PCDHA11: variants seen among roughly 807,000 people sequenced by gnomAD.
PCDHA11 encodes protocadherin alpha-11.
A neutral mutation model predicts 70.3 loss-of-function variants in PCDHA11; 61 were observed. The ratio of observed to expected loss-of-function variants is 0.87; its 90% CI spans 0.71 to 1.07. The LOEUF (loss-of-function observed/expected upper bound fraction) is 1.07. PCDHA11 is among the 50% of genes least tolerant of loss of function. The probability of loss-of-function intolerance (pLI) is 0.00; values close to 1 mark genes in which losing one functional copy is unlikely to be tolerated. For synonymous variants in PCDHA11, 633 were observed against 555.1 expected, an observed-to-expected ratio of 1.14 and a Z score of -1.97; for missense variants, 1,324 against 1,237.5, an observed-to-expected ratio of 1.07 and a Z score of -1.05.
intron 1 of PCDHA11, chr5:140,967,878 A>G: frequency 6.2e-7 from 1 of 1,614,152 alleles, no homozygotes; most frequent in Non-Finnish European, 8.5e-7. Flanking sequence ...ACGGACCTGT[A>G]TAGCCCAGTG....
At chr5:140,902,442 T>G (rs1182491503) in intron 1 of PCDHA11, among the ~76,000 whole-genome samples, 1 of 152,166 alleles carries the variant, frequency 6.6e-6, no homozygotes, top group Non-Finnish European at 1.5e-5. Flanking sequence ...CCTTGTCATA[T>G]TCTAGATCCT....
intron 1 of PCDHA11, among the ~76,000 whole-genome samples, chr5:140,908,126 C>T (rs573751399): frequency 1.6e-4 from 24 of 152,360 alleles, no homozygotes; most frequent in South Asian, 1.0e-3. Context: ...TTTCCCTTCA[C>T]TGCTGTCCTT....
At chr5:140,982,608 T>C (rs782789536) in intron 3 of PCDHA11, 45 bp downstream of exon 3, 1 of 1,601,306 alleles carries the variant, frequency 6.2e-7, no homozygotes, top group Non-Finnish European at 8.5e-7. Flanking sequence ...TTCTGGAAAG[T>C]GATCAGATGA....
chr5:140,916,840 C>G (rs1350788875), intron 1 of PCDHA11, among the ~76,000 whole-genome samples: 1 of 152,128 alleles, frequency 6.6e-6, no homozygotes, highest in African/African-American at 2.4e-5. Context: ...TGGTTCTGAG[C>G]CCAGCCCAGC....
At chr5:140,924,811 C>A (rs1209918868) in intron 1 of PCDHA11, among the ~76,000 whole-genome samples, 6 of 151,654 alleles carry the variant, frequency 4.0e-5, no homozygotes, top group Admixed American at 3.3e-4. Context: ...AAGAGAATCG[C>A]TTGAACCTGG....
At chr5:140,925,682 G>A (rs1554202871) in intron 1 of PCDHA11, among the ~76,000 whole-genome samples, 1 of 122,672 alleles carries the variant, frequency 8.2e-6, no homozygotes, top group Non-Finnish European at 1.8e-5. Context: ...ATAATAAAGC[G>A]AGGGTGGGTA....
intron 1 of PCDHA11, chr5:140,883,287 T>A: frequency 6.2e-7 from 1 of 1,613,984 alleles, no homozygotes; most frequent in Non-Finnish European, 8.5e-7. Context: ...TTGGTGGAAG[T>A]ACTAGATGTA....
Position 140,895,372 on chromosome 5 carries a change from T to C in PCDHA11, c.2391+23878T>C, listed in dbSNP as rs112463980. Among the ~76,000 whole-genome samples, 883 of 152,294 alleles carry C rather than the reference T, an allele frequency of 5.8e-3. 7 individuals carry two copies. The highest frequency in any genetic ancestry group is 0.021 in the African/African-American group (855 of 41,558). On this transcript the variant is annotated intron_variant, in intron 1 of 3. Coordinates refer to ENST00000398640, the MANE Select transcript of PCDHA11 (RefSeq NM_018902.5). The stretch of plus-strand genomic sequence containing the variant: ...CCAGTGAGTACTTATTGGCACTTTT[T>C]GGAGTTCTTCAATTCTCAACACCAT...
intron 1 of PCDHA11, among the ~76,000 whole-genome samples, chr5:140,879,152 A>C (rs1369330748): frequency 6.6e-6 from 1 of 152,210 alleles, no homozygotes; most frequent in African/African-American, 2.4e-5. Context: ...CAGGAAAGCT[A>C]TTTCTTTTTT....
intron 1 of PCDHA11, among the ~76,000 whole-genome samples, chr5:140,886,671 C>A (rs1411583056): frequency 6.6e-6 from 1 of 151,634 alleles, no homozygotes; most frequent in East Asian, 1.9e-4. Context: ...ACTAAAAATA[C>A]AAAAATTAGC....
At chr5:140,951,403 G>A (rs62384504) in intron 1 of PCDHA11, among the ~76,000 whole-genome samples, 5,903 of 152,130 alleles carry the variant, frequency 0.039, 173 homozygotes, top group Non-Finnish European at 0.058. Flanking sequence ...AAGAAAAGAG[G>A]TTTAATTGGC....
intron 1 of PCDHA11, chr5:140,884,122 G>A (rs1212118784): frequency 6.2e-7 from 1 of 1,613,306 alleles, no homozygotes; most frequent in East Asian, 2.2e-5. Flanking sequence ...CGGTCGGCGC[G>A]CGCATCCCGT....
chr5:140,915,677 A>C (rs1352514451), intron 1 of PCDHA11, among the ~76,000 whole-genome samples: 4 of 150,138 alleles, frequency 2.7e-5, no homozygotes, highest in African/African-American at 9.8e-5. Flanking sequence ...GCCATCTTGA[A>C]CTAGGGGTAT....
chr5:140,920,583 C>A (rs1287573835), intron 1 of PCDHA11, among the ~76,000 whole-genome samples: 1 of 152,106 alleles, frequency 6.6e-6, no homozygotes, highest in African/African-American at 2.4e-5. Context: ...CAGTGGCTCA[C>A]GCCTGTAATC....
Position 140,966,695 on chromosome 5 carries a change from C to T in PCDHA11, c.2392-12254C>T, listed in dbSNP as rs2096038904. ...GGGTGGCACGAGCGGAGGCGGGGCC[C>T]GGGCGTGGGGCACGGCTGGGGAAGC... is the stretch of plus-strand genomic sequence containing the variant. On this transcript the variant is annotated intron_variant, in intron 1 of 3. Coordinates refer to ENST00000398640, the MANE Select transcript of PCDHA11 (RefSeq NM_018902.5). 4 of 1,358,486 alleles carry T rather than the reference C, an allele frequency of 2.9e-6. No individual in the cohort carries two copies. In the South Asian group the frequency reaches 5.2e-5, roughly 18 times the overall value. The allele number at this position is 1,358,486 out of a possible 1,614,324, so 84.2% of individuals were successfully genotyped here. A position where few individuals can be genotyped will look rare whatever the true frequency, so the allele number is the denominator to read the frequency against.
rs782776948 is a variant in PCDHA11 at position 141,009,898 on chromosome 5, A to T, written c.2811A>T (p.Lys937Asn). The T allele has an allele frequency of 5.6e-6, 9 of 1,613,182 alleles. No individual in the cohort carries two copies. Among genetic ancestry groups the T allele is most frequent in the Admixed American group, 1.7e-5 (1 of 59,722 alleles). The change falls in exon 4 of 4, where the codon AAA (lysine) becomes AAT (asparagine). Residue 937 changes from lysine (K) to asparagine (N), a missense_variant. Physicochemically the swap from Lys to Asn is moderately conservative, Grantham distance 94 (BLOSUM62 0). Transcript: ENST00000398640. ...AGGGTAACAAGACCCAGGAGAAAAA[A>T]GAGAAAGGGAACAGCACGACTGACA... ...KKKGNKTQEK[K>N]EKGNSTTDNS...
chr5:140,988,739 G>A (rs2097310931), intron 3 of PCDHA11, among the ~76,000 whole-genome samples: 1 of 152,096 alleles, frequency 6.6e-6, no homozygotes, highest in Non-Finnish European at 1.5e-5. Flanking sequence ...AATTATTCTA[G>A]GATTGGTGGC....
rs560121926 is a variant in PCDHA11 at position 140,949,352 on chromosome 5, T to A, written c.2392-29597T>A. Among the ~76,000 whole-genome samples, 6 of 151,992 alleles carry A rather than the reference T, an allele frequency of 3.9e-5. No individual in the cohort carries two copies. The South Asian group carries it at 1.2e-3, about 31-fold the overall frequency. On this transcript the variant is annotated intron_variant, in intron 1 of 3. Transcript: ENST00000398640. Reference sequence around the variant, plus strand: ...TTGTTATCCAGATTTTCTGTGTCTTTATTTTTTTGTCTAGTTGTCCTATCA... The same window carrying A: ...TTGTTATCCAGATTTTCTGTGTCTTAATTTTTTTGTCTAGTTGTCCTATCA...
At chr5:140,892,550 A>G (rs1337911954) in intron 1 of PCDHA11, among the ~76,000 whole-genome samples, 1 of 152,202 alleles carries the variant, frequency 6.6e-6, no homozygotes, top group East Asian at 1.9e-4. Context: ...TTGTTTCTCT[A>G]GTCCTTGGAG....
Sources: gnomAD v4.1 joint callset for allele counts (sites outside exome capture counted in the v4.1 genomes callset) on GRCh38, gnomAD v4.1.1 for gene constraint, MANE v1.5 for transcripts, NCBI Gene and HGNC (gene_info 2026-07-23, HGNC 2026-07-21) for gene names.